Variants in CIMAP3 observed in about 807,000 individuals in gnomAD.
CIMAP3 encodes the protein ciliary microtubule associated protein 3, also known as ciliary microtubule-associated protein 3.
chr1:111,335,076 T>C, the CIMAP3 span, among the ~76,000 whole-genome samples: 84 of 125,570 alleles, frequency 6.7e-4, no homozygotes, highest in Admixed American at 2.4e-3. Context: ...TGCAGTGAGC[T>C]GAGATTGGGT....
the CIMAP3 span, chr1:111,350,283 T>C: frequency 0.32 from 436,629 of 1,348,864 alleles, 71,622 homozygotes; most frequent in East Asian, 0.4. Flanking sequence ...TCATAGGTAT[T>C]AGGGACTCTT....
At chr1:111,343,193 G>A in the CIMAP3 span, among the ~76,000 whole-genome samples, 4 of 151,762 alleles carry the variant, frequency 2.6e-5, no homozygotes, top group African/African-American at 9.7e-5. Flanking sequence ...CTTAAATATG[G>A]TAATCAGCTT....
chr1:111,340,109 G>C, the CIMAP3 span, among the ~76,000 whole-genome samples: 1 of 152,024 alleles, frequency 6.6e-6, no homozygotes, highest in African/African-American at 2.4e-5. Flanking sequence ...ATGGGGAAAG[G>C]ATTCCCTATT....
the CIMAP3 span, among the ~76,000 whole-genome samples, chr1:111,340,310 T>G: frequency 6.8e-6 from 1 of 146,600 alleles, no homozygotes; most frequent in Non-Finnish European, 1.5e-5. Context: ...GGACTTCATG[T>G]CTAAAACACC....
chr1:111,330,148 C>G, the CIMAP3 span, among the ~76,000 whole-genome samples: 15 of 152,062 alleles, frequency 9.9e-5, no homozygotes, highest in African/African-American at 3.6e-4. Context: ...TCTTGATAAT[C>G]TTTGTTCCTA....
At chr1:111,346,174 T>C in the CIMAP3 span, 1 of 153,086 alleles carries the variant, frequency 6.5e-6, no homozygotes, top group Non-Finnish European at 1.5e-5. Flanking sequence ...AAAAATGGTC[T>C]AAGGGCCTAA....
the CIMAP3 span, among the ~76,000 whole-genome samples, chr1:111,334,659 A>C: frequency 1.3e-5 from 2 of 152,214 alleles, no homozygotes; most frequent in African/African-American, 4.8e-5. Flanking sequence ...CAGAAAAGCA[A>C]TTCAGAAACT....
chr1:111,335,288 T>C, the CIMAP3 span, among the ~76,000 whole-genome samples: 2 of 151,912 alleles, frequency 1.3e-5, no homozygotes, highest in Non-Finnish European at 2.9e-5. Flanking sequence ...AGACGGGTGA[T>C]TTCTGCATTT....
the CIMAP3 span, among the ~76,000 whole-genome samples, chr1:111,329,546 TATATATATATATAA>T: frequency 4.7e-4 from 45 of 95,142 alleles, no homozygotes; most frequent in Non-Finnish European, 7.0e-4. Flanking sequence ...TATATATATA[TATATATATATATAA>T]TTTTTTTTTT....
At chr1:111,342,912 C>G in the CIMAP3 span, among the ~76,000 whole-genome samples, 1 of 152,102 alleles carries the variant, frequency 6.6e-6, no homozygotes, top group South Asian at 2.1e-4. Context: ...GCCCTGGCAA[C>G]TGTTTTCATA....
chr1:111,347,814 C>A, the CIMAP3 span: 9 of 1,423,426 alleles, frequency 6.3e-6, no homozygotes, highest in Non-Finnish European at 8.9e-6. Context: ...TTGTTGCATG[C>A]ATTTGCACAG....
the CIMAP3 span, among the ~76,000 whole-genome samples, chr1:111,333,259 A>G: frequency 1.3e-5 from 2 of 152,316 alleles, no homozygotes; most frequent in South Asian, 2.1e-4. Flanking sequence ...ATCACAGCCT[A>G]TCCTAGATCG....
the CIMAP3 span, among the ~76,000 whole-genome samples, chr1:111,340,566 C>T: frequency 6.6e-6 from 1 of 152,040 alleles, no homozygotes; most frequent in Non-Finnish European, 1.5e-5. Context: ...AGACACTTCT[C>T]AAAAGAAGAC....
chr1:111,352,990 T>C, the CIMAP3 span: 1 of 152,214 alleles, frequency 6.6e-6, no homozygotes, highest in Non-Finnish European at 1.5e-5. Flanking sequence ...TATATAAAAG[T>C]AATAAAGTAC....
chr1:111,328,827 G>A, the CIMAP3 span, among the ~76,000 whole-genome samples: 30 of 151,240 alleles, frequency 2.0e-4, no homozygotes, highest in South Asian at 5.8e-3. Flanking sequence ...CCTTTTAAGT[G>A]GGGCATTCAG....
chr1:111,329,194 A>G, the CIMAP3 span, among the ~76,000 whole-genome samples: 1 of 152,072 alleles, frequency 6.6e-6, no homozygotes, highest in Non-Finnish European at 1.5e-5. Context: ...TCTGGCTTGC[A>G]GGGTTTCAGC....
chr1:111,335,392 C>T, the CIMAP3 span, among the ~76,000 whole-genome samples: 1 of 152,112 alleles, frequency 6.6e-6, no homozygotes, highest in Non-Finnish European at 1.5e-5. Flanking sequence ...TGAAGCAGGG[C>T]AAGGCATTGC....
At chr1:111,327,506 A>T in the CIMAP3 span, among the ~76,000 whole-genome samples, 6,922 of 151,750 alleles carry the variant, frequency 0.046, 330 homozygotes, top group African/African-American at 0.11. Flanking sequence ...TTTTATTTGT[A>T]GGCTATGTAT....
At chr1:111,346,953 A>G in the CIMAP3 span, 2 of 1,613,886 alleles carry the variant, frequency 1.2e-6, no homozygotes, top group South Asian at 2.2e-5. Flanking sequence ...AACAGAGGAA[A>G]CTTTTTCCTC....
Sources: allele counts gnomAD v4.1 joint callset (sites outside exome capture counted in the v4.1 genomes callset), GRCh38; gene constraint gnomAD v4.1.1; transcripts MANE v1.5; gene names NCBI Gene and HGNC (gene_info 2026-07-23, HGNC 2026-07-21).